Variants in SOD2 observed in about 807,000 individuals in gnomAD.
The protein encoded by SOD2 is superoxide dismutase [Mn], mitochondrial.
SOD2 carries 11 observed loss-of-function variants against 27.0 expected under a neutral mutation model. That is an observed-to-expected ratio of 0.41 (90% CI 0.26 to 0.67). SOD2 has a LOEUF of 0.67. Among genes scored for constraint, SOD2 ranks in the 30% least tolerant of loss-of-function variants. The pLI is 0.34. For missense variants in SOD2, 250 were observed against 274.5 expected, an observed-to-expected ratio of 0.91 and a Z score of 0.63; for synonymous variants, 105 against 103.0, an observed-to-expected ratio of 1.02 and a Z score of -0.12.
rs113024019 is a variant in SOD2, at chr6:159,676,732, C to T, written c.*5761G>A. On this transcript the variant is annotated 3_prime_UTR_variant, in exon 5 of 5. Transcript: ENST00000538183. ...CATGTTGTACACATGTACCCTAGAACTTAAAGTATAATTTAAAAATAAATA... is the reference window on the plus strand; with the variant it reads ...CATGTTGTACACATGTACCCTAGAATTTAAAGTATAATTTAAAAATAAATA... The T allele has an allele frequency of 1.3e-5, 2 of 152,192 alleles. No individual in the cohort carries two copies. Among genetic ancestry groups the T allele is most frequent in the African/African-American group, 4.8e-5 (2 of 41,500 alleles). The allele number at this position is 152,192 out of a possible 1,614,324, so 9.4% of individuals were successfully genotyped here.
At chr6:159,706,286 A>G (rs916968186) in intron 1 of SOD2, among the ~76,000 whole-genome samples, 1 of 152,194 alleles carries the variant, frequency 6.6e-6, no homozygotes, top group Non-Finnish European at 1.5e-5. Flanking sequence ...TTAAATGTAA[A>G]TGGGCTAAAT....
At chr6:159,724,745 G>A (rs1021163627) in intron 1 of SOD2, among the ~76,000 whole-genome samples, 9 of 151,790 alleles carry the variant, frequency 5.9e-5, no homozygotes, top group African/African-American at 1.9e-4. Context: ...CCAGCTACTC[G>A]GGAGGCTGAG....
chr6:159,756,594 C>CTTTTTTTTTTTTTTTT (rs3066261), intron 1 of SOD2, among the ~76,000 whole-genome samples: 1 of 94,386 alleles, frequency 1.1e-5, no homozygotes, highest in Admixed American at 1.4e-4. Context: ...ATTTCTTAGG[C>CTTTTTTTTTTTTTTTT]TTTTTTTTTT....
chr6:159,751,819 T>C (rs2114954951), intron 1 of SOD2, among the ~76,000 whole-genome samples: 1 of 152,292 alleles, frequency 6.6e-6, no homozygotes, highest in African/African-American at 2.4e-5. Context: ...CCCAACACTT[T>C]GGAAGGCTGA....
intron 1 of SOD2, among the ~76,000 whole-genome samples, chr6:159,733,016 G>A (rs1172822199): frequency 1.3e-4 from 19 of 151,900 alleles, no homozygotes; most frequent in African/African-American, 2.4e-5. Flanking sequence ...CATGTGTCAT[G>A]CTAAAATAGA....
intron 1 of SOD2, among the ~76,000 whole-genome samples, chr6:159,703,229 G>A (rs1777558578): frequency 6.6e-6 from 1 of 151,832 alleles, no homozygotes. Context: ...CAGGAGAATA[G>A]CTTGAACCCA....
chr6:159,718,378 G>A (rs1777963098), intron 1 of SOD2, among the ~76,000 whole-genome samples: 1 of 152,086 alleles, frequency 6.6e-6, no homozygotes, highest in Non-Finnish European at 1.5e-5. Flanking sequence ...TGTGAATGGT[G>A]CTTCAACATA....
chr6:159,697,802 C>T (rs1777450130), upstream of SOD2, among the ~76,000 whole-genome samples: 1 of 152,238 alleles, frequency 6.6e-6, no homozygotes, highest in Non-Finnish European at 1.5e-5. Context: ...CAGTTGACCC[C>T]TGAATGATGC....
At chr6:159,737,418 A>G (rs1403849908) in intron 1 of SOD2, among the ~76,000 whole-genome samples, 1 of 152,174 alleles carries the variant, frequency 6.6e-6, no homozygotes, top group African/African-American at 2.4e-5. Context: ...ACTGGTTAGT[A>G]TTATAATTTG....
upstream of SOD2, among the ~76,000 whole-genome samples, chr6:159,747,135 C>G (rs576116105): frequency 3.3e-5 from 5 of 152,192 alleles, no homozygotes; most frequent in African/African-American, 1.2e-4. Context: ...CCTATTTAAG[C>G]CTTAGTATGG....
intron 1 of SOD2, among the ~76,000 whole-genome samples, chr6:159,718,249 C>G (rs897108217): frequency 6.6e-6 from 1 of 152,106 alleles, no homozygotes; most frequent in Non-Finnish European, 1.5e-5. Context: ...TCTAAATTCC[C>G]AGCCTCCTAA....
chr6:159,739,129 T>TAA (rs1779092230), intron 1 of SOD2: 1 of 1,153,044 alleles, frequency 8.7e-7, no homozygotes. Context: ...TTGTGCCAGA[T>TAA]ATTGTTTTTA....
At chr6:159,707,919 C>T (rs1402305704) in intron 1 of SOD2, among the ~76,000 whole-genome samples, 2 of 152,146 alleles carry the variant, frequency 1.3e-5, no homozygotes, top group Non-Finnish European at 2.9e-5. Flanking sequence ...GTTTATCCAC[C>T]GTGATCAAGG....
chr6:159,747,008 T>G (rs1274913620), upstream of SOD2, among the ~76,000 whole-genome samples: 1 of 152,200 alleles, frequency 6.6e-6, no homozygotes, highest in African/African-American at 2.4e-5. Context: ...AGCAGCTGGC[T>G]TCACATTGAC....
chr6:159,717,563 G>A (rs372234602), intron 1 of SOD2, among the ~76,000 whole-genome samples: 2 of 152,220 alleles, frequency 1.3e-5, no homozygotes, highest in African/African-American at 2.4e-5. Context: ...TCTTTGTGCT[G>A]AAAATATTCA....
chr6:159,678,660 C>T lies in SOD2; in HGVS notation c.*3833G>A, dbSNP rs1360494044. 1.3e-5 allele frequency: 2 copies of T among 152,136 alleles called. No homozygotes were observed. Among genetic ancestry groups the T allele is most frequent in the Admixed American group, 1.3e-4 (2 of 15,264 alleles). The allele number at this position is 152,136 out of a possible 1,614,324, so 9.4% of individuals were successfully genotyped here. A position where few individuals can be genotyped will look rare whatever the true frequency, so the allele number is the denominator to read the frequency against. ...GTGTTTCTCTGTGTTCTGGGAGCTG[C>T]TCTAGCAAATAAATCAAAACCAAGG... On this transcript the variant is annotated 3_prime_UTR_variant, in exon 5 of 5. Coordinates refer to ENST00000538183, the MANE Select transcript of SOD2 (RefSeq NM_000636.4).
Position 159,692,669 on chromosome 6 carries a change from A to T in SOD2, c.218T>A (p.Leu73Ter). Residue 73 changes from leucine (L) to a stop codon, truncating the protein, a stop_gained, in exon 2 of 5, where the codon TTG becomes TAG. Coordinates refer to ENST00000538183, the MANE Select transcript of SOD2 (RefSeq NM_000636.4). LOFTEE classifies it high-confidence loss of function. ...CTCAGCCTGGAACCTACCCTTGGCCAACGCCTCCTGGTACTTCTCCTCGGT... is the reference window on the plus strand; with the variant it reads ...CTCAGCCTGGAACCTACCCTTGGCCTACGCCTCCTGGTACTTCTCCTCGGT... Reference protein sequence around the residue: ...NVTEEKYQEALAKGDVTAQIA... With the variant: ...NVTEEKYQEA The T allele has an allele frequency of 3.7e-6, 6 of 1,613,726 alleles. No individual in the cohort carries two copies. Among genetic ancestry groups the T allele is most frequent in the Non-Finnish European group, 5.1e-6 (6 of 1,179,898 alleles).
intron 1 of SOD2, among the ~76,000 whole-genome samples, chr6:159,710,821 C>G (rs919853922): frequency 5.6e-4 from 85 of 151,316 alleles, no homozygotes; most frequent in Non-Finnish European, 1.1e-3. Context: ...CCACAACCAC[C>G]ACTCACATTG....
At chr6:159,727,500 G>A (rs1380850491), upstream of SOD2, 5 of 993,462 alleles carry the variant, frequency 5.0e-6, no homozygotes, top group African/African-American at 8.8e-5. Flanking sequence ...GGCGGGGCCT[G>A]GTTTCCTCCC....
Sources: allele counts gnomAD v4.1 joint callset (sites outside exome capture counted in the v4.1 genomes callset), GRCh38; gene constraint gnomAD v4.1.1; transcripts MANE v1.5; gene names NCBI Gene and HGNC (gene_info 2026-07-23, HGNC 2026-07-21).